The following NSD2 variants were observed in gnomAD, a reference collection of about 807,000 sequenced individuals.
NSD2 encodes histone-lysine N-methyltransferase NSD2.
A neutral mutation model predicts 139.0 loss-of-function variants in NSD2; 12 were observed. That is an observed-to-expected ratio of 0.09 (90% CI 0.06 to 0.14). The LOEUF is 0.14. NSD2 is among the 10% of genes least tolerant of loss of function. The pLI, the probability that NSD2 is intolerant of heterozygous loss-of-function variation, is 1.00. For missense variants in NSD2, 1,155 were observed against 1,745.0 expected (o/e 0.66, Z 6.02); for synonymous variants, 669 against 648.7 (o/e 1.03, Z -0.48).
chr4:1,930,860 G>A (rs1273307270), intron 6 of NSD2, 90 bp downstream of exon 6: 1 of 1,463,830 alleles, frequency 6.8e-7, no homozygotes, highest in African/African-American at 1.4e-5. Flanking sequence ...GTAGGGAAGT[G>A]TGTCCACTCT....
chr4:1,890,134 G>T (rs1383166941), intron 1 of NSD2, among the ~76,000 whole-genome samples: 4 of 152,238 alleles, frequency 2.6e-5, no homozygotes, highest in South Asian at 2.1e-4. Context: ...TATCTATGTT[G>T]TAGCATAAAT....
chr4:1,891,057 C>G (rs1331529797), intron 1 of NSD2, among the ~76,000 whole-genome samples: 4 of 152,230 alleles, frequency 2.6e-5, no homozygotes, highest in African/African-American at 9.6e-5. Context: ...CCACGCCCAG[C>G]TAAGTTTTGT....
intron 5 of NSD2, among the ~76,000 whole-genome samples, chr4:1,923,496 G>A (rs755977468): frequency 4.6e-5 from 7 of 152,150 alleles, no homozygotes; most frequent in African/African-American, 1.2e-4. Flanking sequence ...TGTATGTTAC[G>A]ATCCTGGTGG....
At chr4:1,915,181 T>A (rs1719217348) in intron 3 of NSD2, among the ~76,000 whole-genome samples, 1 of 147,030 alleles carries the variant, frequency 6.8e-6, no homozygotes, top group African/African-American at 2.5e-5. Context: ...AGTGGCGCAG[T>A]CTCGGCTCAC....
intron 21 of NSD2, 68 bp from the exon 22 acceptor site, chr4:1,978,570 C>A: frequency 6.5e-7 from 1 of 1,542,694 alleles, no homozygotes. Context: ...AAGTCATCTT[C>A]AACCACGATA....
intron 3 of NSD2, among the ~76,000 whole-genome samples, chr4:1,911,322 T>A (rs573552860): frequency 2.0e-5 from 3 of 152,166 alleles, no homozygotes; most frequent in African/African-American, 7.2e-5. Context: ...GTGCAGTGGC[T>A]CATGCCTATA....
rs1727451075 is a variant in NSD2, at chr4:1,978,934, C to G, written c.*25C>G. ...GCGCCAGGCGGCCGCTTGGCCGGAT[C>G]CAGGGGCGGTGCAGGGCGGCCGGCC... On this transcript the variant is annotated 3_prime_UTR_variant, in exon 22 of 22. Transcript: ENST00000508803. 5 of 1,474,018 alleles carry G rather than the reference C, an allele frequency of 3.4e-6. No individual in the cohort carries two copies. The African/African-American group carries it at 4.2e-5, about 13-fold the overall frequency. The allele number at this position is 1,474,018 out of a possible 1,614,324, so 91.3% of individuals were successfully genotyped here. A position where few individuals can be genotyped will look rare whatever the true frequency, so the allele number is the denominator to read the frequency against.
intron 5 of NSD2, among the ~76,000 whole-genome samples, chr4:1,929,259 T>G (rs560050651): frequency 6.6e-6 from 1 of 152,038 alleles, no homozygotes; most frequent in South Asian, 2.1e-4. Flanking sequence ...CCGTCTGTGG[T>G]GACTGTCTTG....
At chr4:1,970,157 C>A (rs1011686253) in intron 18 of NSD2, among the ~76,000 whole-genome samples, 2 of 152,206 alleles carry the variant, frequency 1.3e-5, no homozygotes, top group Non-Finnish European at 2.9e-5. Flanking sequence ...GGCTGAGTCA[C>A]ATTGGGCGAC....
intron 18 of NSD2, among the ~76,000 whole-genome samples, chr4:1,962,522 G>GA (rs1177910559): frequency 6.6e-6 from 1 of 152,176 alleles, no homozygotes; most frequent in African/African-American, 2.4e-5. Context: ...AAAGGATCGG[G>GA]AAAAAATTTG....
At chr4:1,943,974 A>G in intron 9 of NSD2, 1 of 1,065,248 alleles carries the variant, frequency 9.4e-7, no homozygotes, top group Non-Finnish European at 1.1e-6. Flanking sequence ...GGAGAAAGCA[A>G]AACCCTGCAA....
At chr4:1,967,991 A>G (rs916552714) in intron 18 of NSD2, among the ~76,000 whole-genome samples, 1 of 152,220 alleles carries the variant, frequency 6.6e-6, no homozygotes, top group Non-Finnish European at 1.5e-5. Context: ...CTTTGATACT[A>G]TCTGGGAGAG....
rs927756763 is a variant in NSD2 at position 1,944,960 on chromosome 4, G to A, written c.1881+5182G>A. 6 of 1,064,106 alleles carry A rather than the reference G, an allele frequency of 5.6e-6. No individual in the cohort carries two copies. The African/African-American group carries it at 8.2e-5, about 15-fold the overall frequency. The allele number at this position is 1,064,106 out of a possible 1,614,324, so 65.9% of individuals were successfully genotyped here. A position where few individuals can be genotyped will look rare whatever the true frequency, so the allele number is the denominator to read the frequency against. On this transcript the variant is annotated intron_variant, in intron 9 of 21. Coordinates refer to ENST00000508803, the MANE Select transcript of NSD2 (RefSeq NM_001042424.3). ...AAGAGAATGTTTCTTAAAACCAATA[G>A]GAAACTTAAGCGAGGTTTCATGACA...
At chr4:1,898,210 C>A (rs372278519) in intron 1 of NSD2, among the ~76,000 whole-genome samples, 2 of 152,186 alleles carry the variant, frequency 1.3e-5, no homozygotes, top group African/African-American at 4.8e-5. Flanking sequence ...CCTCAGCCTC[C>A]TGAGTAGCAG....
chr4:1,980,410 T>TAA lies in NSD2; in HGVS notation c.*1502_*1503insAA. 4.3e-6 allele frequency: 1 copy of TAA among 233,260 alleles called. No individual in the cohort carries two copies. The highest frequency in any genetic ancestry group is 8.5e-6 in the Non-Finnish European group (1 of 118,018). 14.4% of individuals were successfully genotyped at this position (233,260 alleles called of 1,614,324 possible). On this transcript the variant is annotated 3_prime_UTR_variant, in exon 22 of 22. Transcript: ENST00000508803. ...GAACATTCAGCAGCAGGTGCTTTTT[T>TAA]ATGGCCTTTTCTTAAAATAACCTAA...
At position 1,979,917 on chromosome 4, in the gene NSD2, C is replaced by T. The variant is rs1727587861; in HGVS notation, c.*1008C>T. On this transcript the variant is annotated 3_prime_UTR_variant, in exon 22 of 22. Transcript: ENST00000508803. ...CAGGAAGTGACAACTTAGGGAGCCC[C>T]GTAGGGCGCTGCAGGCCCCGGGGAC... 1 of 232,770 alleles carries T rather than the reference C, an allele frequency of 4.3e-6. No homozygotes were observed. The allele number at this position is 232,770 out of a possible 1,614,324, so 14.4% of individuals were successfully genotyped here.
chr4:1,912,112 T>C (rs1357227346), intron 3 of NSD2: 1 of 406,578 alleles, frequency 2.5e-6, no homozygotes, highest in South Asian at 1.8e-5. Flanking sequence ...TCAAAGAAGT[T>C]TGAACACTTA....
chr4:1,951,083 C>CCCGGGGGACGAG lies in NSD2; in HGVS notation c.1898_1899insGGACGAGCCGGG (p.Gly633_Pro636dup). The CCCGGGGGACGAG allele has an allele frequency of 6.2e-7, 1 of 1,614,134 alleles. No individual in the cohort carries two copies. The highest frequency in any genetic ancestry group is 8.5e-7 in the Non-Finnish European group (1 of 1,179,976). ...TCCTTCATCTCTAGGTCTCGGACAG[C>CCCGGGGGACGAG]CCGGGAGACGAGCCCTCGGAGTCCC... On this transcript the variant is annotated inframe_insertion, in exon 10 of 22. Coordinates refer to ENST00000508803, the MANE Select transcript of NSD2 (RefSeq NM_001042424.3).
Position 1,956,837 on chromosome 4 carries a change from C to T in NSD2, c.2881+649C>T, listed in dbSNP as rs1429159177. 6.6e-6 allele frequency among the ~76,000 whole-genome samples: 1 copy of T among 152,230 alleles called. No homozygotes were observed. The highest frequency in any genetic ancestry group is 1.5e-5 in the Non-Finnish European group (1 of 68,042). Reference sequence around the variant, plus strand: ...TGTGTTGCAGCCGGGTCAGTGCTGGCTCCTGTGTGACTGCAGGCGGGGACC... The same window carrying T: ...TGTGTTGCAGCCGGGTCAGTGCTGGTTCCTGTGTGACTGCAGGCGGGGACC... On this transcript the variant is annotated intron_variant, in intron 15 of 21. Transcript: ENST00000508803. The surrounding 1 kb of genome is among the most constrained non-coding windows in gnomAD (Gnocchi z 5.3).
Sources: allele counts gnomAD v4.1 joint callset (sites outside exome capture counted in the v4.1 genomes callset), GRCh38; gene constraint gnomAD v4.1.1; non-coding constraint Gnocchi (gnomAD v3.1); transcripts MANE v1.5; gene names NCBI Gene and HGNC (gene_info 2026-07-23, HGNC 2026-07-21).